RAB22A: variants seen among roughly 807,000 people sequenced by gnomAD.
RAB22A encodes the protein ras-related protein Rab-22A.
In RAB22A, 13 loss-of-function variants were observed where a neutral mutation model predicts 30.2. That is an observed-to-expected ratio of 0.43 (90% CI 0.28 to 0.68). The LOEUF (loss-of-function observed/expected upper bound fraction) is 0.68, where lower values mean the gene tolerates loss of function less well. RAB22A is among the 30% of genes least tolerant of loss of function. RAB22A has a pLI of 0.18. For synonymous variants in RAB22A, 89 were observed against 87.2 expected (o/e 1.02, Z -0.11); for missense variants, 177 against 246.8 (o/e 0.72, Z 1.89).
Position 58,363,266 on chromosome 20 carries a change from T to G in RAB22A, c.*3563T>G, listed in dbSNP as rs1264453525. 3 of 152,220 alleles carry G rather than the reference T, an allele frequency of 2.0e-5. No homozygotes were observed. The highest frequency in any genetic ancestry group is 2.0e-4 in the Admixed American group (3 of 15,288). 9.4% of individuals were successfully genotyped at this position (152,220 alleles called of 1,614,324 possible). On this transcript the variant is annotated 3_prime_UTR_variant, in exon 7 of 7. Coordinates refer to ENST00000244040, the MANE Select transcript of RAB22A (RefSeq NM_020673.3). ...CTAAGAGTGAGTTACAGAATTCTTT[T>G]TGGTACTTTCACTTATTCTTTCAGA...
chr20:58,342,676 G>C (rs537950756), intron 2 of RAB22A, among the ~76,000 whole-genome samples: 1 of 149,996 alleles, frequency 6.7e-6, no homozygotes, highest in Non-Finnish European at 1.5e-5. Context: ...GTATAACTTC[G>C]TACTTGGTTC....
At chr20:58,331,538 G>C (rs1452234575) in intron 2 of RAB22A, among the ~76,000 whole-genome samples, 1 of 152,040 alleles carries the variant, frequency 6.6e-6, no homozygotes, top group Non-Finnish European at 1.5e-5. Flanking sequence ...TCTCTTATCA[G>C]CTTTTACCCC....
In RAB22A at chr20:58,353,336, A is replaced by G; in HGVS notation, c.262A>G (p.Thr88Ala). Residue 88 changes from threonine (T) to alanine (A), a missense_variant, in exon 4 of 7, where the codon ACA becomes GCA. Thr to Ala is a moderately conservative substitution (Grantham distance 58). Transcript: ENST00000244040. Reference sequence around the variant, plus strand: ...TGCAGCTATAATCGTTTATGATATCACAAAAGAAGTAAGACTATATAGTTT... The same window carrying G: ...TGCAGCTATAATCGTTTATGATATCGCAAAAGAAGTAAGACTATATAGTTT... ...SAAAIIVYDI[T>A]KEETFSTLKN... 1 of 1,613,902 alleles carries G rather than the reference A, an allele frequency of 6.2e-7. No homozygotes were observed. The highest frequency in any genetic ancestry group is 8.5e-7 in the Non-Finnish European group (1 of 1,179,782).
At chr20:58,328,620 T>A (rs994156197) in intron 2 of RAB22A, among the ~76,000 whole-genome samples, 1 of 152,300 alleles carries the variant, frequency 6.6e-6, no homozygotes, top group Non-Finnish European at 1.5e-5. Flanking sequence ...TAAAAAAAGA[T>A]GATAACATTG....
In RAB22A at chr20:58,363,859, C is replaced by A. The variant is rs1987271026; in HGVS notation, c.*4156C>A. 1 of 152,166 alleles carries A rather than the reference C, an allele frequency of 6.6e-6. No individual in the cohort carries two copies. Among genetic ancestry groups the A allele is most frequent in the African/African-American group, 2.4e-5 (1 of 41,408 alleles). 9.4% of individuals were successfully genotyped at this position (152,166 alleles called of 1,614,324 possible). A position where few individuals can be genotyped will look rare whatever the true frequency, so the allele number is the denominator to read the frequency against. ...ATTTAAAAAAAAATAGTCTAAGAAACAAATTTATCCATGAGATAAACATCA... is the reference window on the plus strand; with the variant it reads ...ATTTAAAAAAAAATAGTCTAAGAAAAAAATTTATCCATGAGATAAACATCA... On this transcript the variant is annotated 3_prime_UTR_variant, in exon 7 of 7. Coordinates refer to ENST00000244040, the MANE Select transcript of RAB22A (RefSeq NM_020673.3).
chr20:58,316,477 C>T lies in RAB22A; in HGVS notation c.116+5355C>T, dbSNP rs544159502. Among the ~76,000 whole-genome samples, 3 of 152,300 alleles carry T rather than the reference C, an allele frequency of 2.0e-5. No homozygotes were observed. The East Asian group carries it at 5.8e-4, about 29-fold the overall frequency. The stretch of plus-strand genomic sequence containing the variant: ...GAGGCTTTTTTTCAGACATGCATGT[C>T]TCTGGTCCCTCTTCCAGGATTCCAG... On this transcript the variant is annotated intron_variant, in intron 2 of 6. Coordinates refer to ENST00000244040, the MANE Select transcript of RAB22A (RefSeq NM_020673.3).
chr20:58,331,791 G>A (rs1192574228), intron 2 of RAB22A, among the ~76,000 whole-genome samples: 3 of 151,882 alleles, frequency 2.0e-5, no homozygotes, highest in Non-Finnish European at 4.4e-5. Context: ...TTCTTGCATA[G>A]TCTGTGTCTC....
intron 6 of RAB22A, among the ~76,000 whole-genome samples, chr20:58,356,517 G>T (rs1259895228): frequency 6.6e-6 from 1 of 152,178 alleles, no homozygotes; most frequent in East Asian, 1.9e-4. Flanking sequence ...CACTGACTTT[G>T]TATTGAAGTA....
intron 6 of RAB22A, among the ~76,000 whole-genome samples, chr20:58,357,544 C>T (rs1375136677): frequency 2.0e-5 from 3 of 152,102 alleles, no homozygotes; most frequent in African/African-American, 7.2e-5. Context: ...TACCTGTTCC[C>T]AGCTCATGAA....
intron 2 of RAB22A, among the ~76,000 whole-genome samples, chr20:58,324,076 A>G (rs1986510688): frequency 6.6e-6 from 1 of 152,222 alleles, no homozygotes; most frequent in Non-Finnish European, 1.5e-5. Flanking sequence ...ATTTGGCATC[A>G]GTGCTGTGCT....
chr20:58,337,408 A>G (rs748819954), intron 2 of RAB22A, among the ~76,000 whole-genome samples: 19 of 152,120 alleles, frequency 1.2e-4, no homozygotes, highest in Non-Finnish European at 2.8e-4. Flanking sequence ...CTCCATCACA[A>G]GATCCTCAAT....
intron 6 of RAB22A, among the ~76,000 whole-genome samples, chr20:58,357,189 T>C (rs987612399): frequency 2.0e-5 from 3 of 152,228 alleles, no homozygotes; most frequent in African/African-American, 7.2e-5. Flanking sequence ...TAGTCAGTGA[T>C]CTCCATTTTC....
chr20:58,353,217 T>G, intron 3 of RAB22A, 56 bp from the exon 4 acceptor site: 11 of 1,461,976 alleles, frequency 7.5e-6, no homozygotes, highest in Non-Finnish European at 1.0e-5. Flanking sequence ...AAATCTAGTA[T>G]AAAACATATT....
At position 58,366,176 on chromosome 20, in the gene RAB22A, G is replaced by A. The variant is rs1327937397; in HGVS notation, c.*6473G>A. On this transcript the variant is annotated 3_prime_UTR_variant, in exon 7 of 7. Transcript: ENST00000244040. ...TTATTTCCCTTAGGCTCATTTTTCT[G>A]TGGGCTCTCCCTTAAAGACACATGG... The A allele has an allele frequency of 6.6e-6, 1 of 152,026 alleles. No individual in the cohort carries two copies. Among genetic ancestry groups the A allele is most frequent in the African/African-American group, 2.4e-5 (1 of 41,376 alleles). 9.4% of individuals were successfully genotyped at this position (152,026 alleles called of 1,614,324 possible).
At chr20:58,327,742 CTTATT>C (rs1230949226) in intron 2 of RAB22A, among the ~76,000 whole-genome samples, 2 of 152,108 alleles carry the variant, frequency 1.3e-5, no homozygotes, top group African/African-American at 4.8e-5. Context: ...AAAAGTTTAA[CTTATT>C]TTATAGCATT....
chr20:58,364,719 A>G lies in RAB22A; in HGVS notation c.*5016A>G, dbSNP rs754834573. On this transcript the variant is annotated 3_prime_UTR_variant, in exon 7 of 7. Coordinates refer to ENST00000244040, the MANE Select transcript of RAB22A (RefSeq NM_020673.3). The stretch of plus-strand genomic sequence containing the variant: ...AGCCAATTAAAAGCCGTAAGATAGT[A>G]ATGATTTTTTTTCTTTTTTTTTTTT... 1 of 151,760 alleles carries G rather than the reference A, an allele frequency of 6.6e-6. No individual in the cohort carries two copies. Among genetic ancestry groups the G allele is most frequent in the Non-Finnish European group, 1.5e-5 (1 of 67,950 alleles). The allele number at this position is 151,760 out of a possible 1,614,324, so 9.4% of individuals were successfully genotyped here.
At chr20:58,310,989 G>T in intron 1 of RAB22A, 54 bp from the exon 2 acceptor site, 1 of 1,423,862 alleles carries the variant, frequency 7.0e-7, no homozygotes, top group Non-Finnish European at 9.9e-7. Flanking sequence ...AGTAGTTTTT[G>T]GTGTCTGCCA....
At chr20:58,312,155 G>A (rs560919719) in intron 2 of RAB22A, among the ~76,000 whole-genome samples, 10 of 152,076 alleles carry the variant, frequency 6.6e-5, no homozygotes, top group East Asian at 1.9e-4. Flanking sequence ...AGGTCTCACC[G>A]TGTTTGCCAT....
intron 2 of RAB22A, among the ~76,000 whole-genome samples, chr20:58,340,638 C>T (rs866028163): frequency 6.6e-6 from 1 of 152,094 alleles, no homozygotes; most frequent in Non-Finnish European, 1.5e-5. Context: ...AGAGTTACAG[C>T]GAGGCCCCTA....
Sources: gnomAD v4.1 joint callset for allele counts (sites outside exome capture counted in the v4.1 genomes callset) on GRCh38, gnomAD v4.1.1 for gene constraint, MANE v1.5 for transcripts, NCBI Gene and HGNC (gene_info 2026-07-23, HGNC 2026-07-21) for gene names.